Variants in RAD54L2 observed in about 807,000 individuals in gnomAD.
RAD54L2 encodes RAD54 like 2.
Under a neutral mutation model 138.4 loss-of-function variants are expected in RAD54L2, and 27 were observed. That is an observed-to-expected ratio of 0.20 (90% CI 0.14 to 0.27). RAD54L2 has a LOEUF of 0.27. RAD54L2 is among the 10% of genes least tolerant of loss of function. The pLI is 1.00. For missense variants in RAD54L2, 1,396 were observed against 1,890.2 expected (o/e 0.74, Z 4.85); for synonymous variants, 644 against 723.2 (o/e 0.89, Z 1.76).
chr3:51,562,194 C>T (rs539606581), intron 2 of RAD54L2, among the ~76,000 whole-genome samples: 10 of 151,196 alleles, frequency 6.6e-5, no homozygotes, highest in Admixed American at 4.6e-4. Flanking sequence ...AGCCACCACA[C>T]CCAGCTAATT....
chr3:51,587,394 G>A (rs1278683578), intron 2 of RAD54L2, among the ~76,000 whole-genome samples: 3 of 152,140 alleles, frequency 2.0e-5, no homozygotes, highest in Admixed American at 1.3e-4. Context: ...GAGCAACCAC[G>A]TCTGGCCGGA....
intron 3 of RAD54L2, among the ~76,000 whole-genome samples, chr3:51,617,126 C>T (rs970722441): frequency 6.6e-6 from 1 of 152,118 alleles, no homozygotes; most frequent in Non-Finnish European, 1.5e-5. Context: ...ATCCATTCAT[C>T]TGTTGATGGA....
At chr3:51,648,570 GC>G (rs1369240084) in intron 19 of RAD54L2, among the ~76,000 whole-genome samples, 1 of 152,208 alleles carries the variant, frequency 6.6e-6, no homozygotes, top group African/African-American at 2.4e-5. Flanking sequence ...ACCTCATACA[GC>G]CGGGTGCCCC....
At chr3:51,612,235 C>T (rs1354343962) in intron 3 of RAD54L2, among the ~76,000 whole-genome samples, 2 of 152,092 alleles carry the variant, frequency 1.3e-5, no homozygotes, top group Non-Finnish European at 2.9e-5. Context: ...GAGGCTGAGG[C>T]GGGCAGATCA....
chr3:51,623,298 T>C (rs1272982983), intron 3 of RAD54L2, among the ~76,000 whole-genome samples: 1 of 152,234 alleles, frequency 6.6e-6, no homozygotes, highest in African/African-American at 2.4e-5. Context: ...TTTCTGATCT[T>C]TGATTGGGAA....
intron 3 of RAD54L2, among the ~76,000 whole-genome samples, chr3:51,623,235 A>T (rs1700604984): frequency 6.6e-6 from 1 of 152,184 alleles, no homozygotes; most frequent in African/African-American, 2.4e-5. Context: ...TCATTTTGTG[A>T]CAACAAGATG....
intron 3 of RAD54L2, among the ~76,000 whole-genome samples, chr3:51,624,050 G>A (rs1216981835): frequency 6.6e-6 from 1 of 150,616 alleles, no homozygotes; most frequent in East Asian, 1.9e-4. Context: ...GGGAGCAAAA[G>A]TCTCGTAGAG....
At position 51,630,306 on chromosome 3, in the gene RAD54L2, A is replaced by G. The variant is rs753885959; in HGVS notation, c.516A>G (p.Gln172=). 1.9e-5 allele frequency: 31 copies of G among 1,613,908 alleles called. No homozygotes were observed. In the South Asian group the frequency reaches 2.4e-4, roughly 13 times the overall value. ...EIALRASDGP[Q]LPPRVLAQEV... ...CTTTAAGGGCAAGTGACGGTCCCCA[A>G]CTGCCTCCTCGGGTCTTGGCCCAGG... Residue 172 remains glutamine (Q), a synonymous_variant, in exon 6 of 23, where the codon CAA becomes CAG. Transcript: ENST00000684192.
At chr3:51,641,473 C>T (rs1415370244) in intron 14 of RAD54L2, among the ~76,000 whole-genome samples, 2 of 152,064 alleles carry the variant, frequency 1.3e-5, no homozygotes, top group East Asian at 3.9e-4. Context: ...TGTGCCACCA[C>T]ACCCAGCTAA....
Position 51,663,368 on chromosome 3 carries a change from C to T in RAD54L2, c.4352C>T (p.Ser1451Phe). ...GAGGTTGCCGAGGTTGGGTTCAGCT[C>T]CAATGATGATGAGGATAAAGACGAT... Reference protein sequence around the residue: ...SHEVAEVGFSSNDDEDKDDDV... With the variant: ...SHEVAEVGFSFNDDEDKDDDV... Residue 1451 changes from serine to phenylalanine, a missense_variant, in exon 23 of 23, where the codon TCC becomes TTC. Physicochemically the swap from Ser to Phe is radical, Grantham distance 155. Coordinates refer to ENST00000684192, the MANE Select transcript of RAD54L2 (RefSeq NM_015106.4). The T allele has an allele frequency of 1.2e-6, 2 of 1,613,790 alleles. No homozygotes were observed. Among genetic ancestry groups the T allele is most frequent in the South Asian group, 2.2e-5 (2 of 91,064 alleles).
chr3:51,610,834 G>A (rs994920397), intron 3 of RAD54L2, among the ~76,000 whole-genome samples: 2 of 152,246 alleles, frequency 1.3e-5, no homozygotes, highest in Non-Finnish European at 2.9e-5. Context: ...GCCCAGCACC[G>A]ATTGACATGA....
At chr3:51,624,535 C>T (rs944133800) in intron 3 of RAD54L2, among the ~76,000 whole-genome samples, 4 of 152,178 alleles carry the variant, frequency 2.6e-5, no homozygotes, top group African/African-American at 7.2e-5. Context: ...GCTGGGATTA[C>T]AGGCGTGAGC....
chr3:51,612,460 TCAAAA>T (rs951779723), intron 3 of RAD54L2, among the ~76,000 whole-genome samples: 200 of 152,224 alleles, frequency 1.3e-3, no homozygotes, highest in African/African-American at 4.7e-3. Context: ...AGACTCTGTC[TCAAAA>T]CAAAACAAAA....
intron 2 of RAD54L2, among the ~76,000 whole-genome samples, chr3:51,586,286 T>C (rs1699707430): frequency 6.6e-6 from 1 of 152,010 alleles, no homozygotes. Context: ...GTCCAGCTAG[T>C]TTTTGTATAT....
chr3:51,581,488 A>T (rs1234842414), intron 2 of RAD54L2, among the ~76,000 whole-genome samples: 3 of 152,170 alleles, frequency 2.0e-5, no homozygotes, highest in Non-Finnish European at 4.4e-5. Context: ...GCTTTTCAGG[A>T]TCATGTCTGG....
intron 2 of RAD54L2, among the ~76,000 whole-genome samples, chr3:51,574,785 A>G (rs891498810): frequency 9.2e-5 from 14 of 152,138 alleles, no homozygotes; most frequent in African/African-American, 3.4e-4. Flanking sequence ...ATTTTCTCCC[A>G]TTCTGTAGGT....
rs187813054 is a variant in RAD54L2 at position 51,648,953 on chromosome 3, T to C, written c.3026+2472T>C. 3.1e-4 allele frequency among the ~76,000 whole-genome samples: 47 copies of C among 152,234 alleles called. No individual in the cohort carries two copies. In the East Asian group the frequency reaches 8.5e-3, roughly 28 times the overall value. ...GAACAAAGCTGGACGGAGAATGACT[T>C]TGACGAGTTGACAGAAGCAGGCTTC... On this transcript the variant is annotated intron_variant, in intron 19 of 22. Transcript: ENST00000684192.
intron 20 of RAD54L2, 33 bp from the exon 21 acceptor site, chr3:51,657,547 G>T: frequency 1.4e-6 from 2 of 1,414,606 alleles, no homozygotes; most frequent in South Asian, 1.2e-5. Context: ...CAGGCCCCGT[G>T]CAATCTAAAT....
chr3:51,596,085 T>C (rs11710122), intron 3 of RAD54L2, among the ~76,000 whole-genome samples: 1 of 2,860 alleles, frequency 3.5e-4, no homozygotes. Flanking sequence ...TGCGTCACCA[T>C]GCCCAGCTAA....
Sources: allele counts gnomAD v4.1 joint callset (sites outside exome capture counted in the v4.1 genomes callset), GRCh38; gene constraint gnomAD v4.1.1; transcripts MANE v1.5; gene names NCBI Gene and HGNC (gene_info 2026-07-23, HGNC 2026-07-21).